Variants in GHR observed in about 807,000 individuals in gnomAD.
The protein encoded by GHR is growth hormone receptor.
In GHR, 35 loss-of-function variants were observed where a neutral mutation model predicts 67.1. That is an observed-to-expected ratio of 0.52 (90% CI 0.40 to 0.69). The LOEUF (loss-of-function observed/expected upper bound fraction) is 0.69. GHR is among the 30% of genes least tolerant of loss of function. The probability of loss-of-function intolerance (pLI) is 0.00; values close to 1 mark genes in which losing one functional copy is unlikely to be tolerated. For synonymous variants in GHR, 272 were observed against 269.1 expected, an observed-to-expected ratio of 1.01 and a Z score of -0.10; for missense variants, 792 against 764.6, an observed-to-expected ratio of 1.04 and a Z score of -0.42.
chr5:42,529,999 C>CTTTTTTTTT (rs376534691), intron 1 of GHR, among the ~76,000 whole-genome samples: 4 of 57,564 alleles, frequency 6.9e-5, no homozygotes, highest in Admixed American at 1.9e-4. Flanking sequence ...TGAATCACTT[C>CTTTTTTTTT]TTTTTTTTTT....
At chr5:42,691,001 G>C (rs1757395845) in intron 4 of GHR, among the ~76,000 whole-genome samples, 1 of 152,126 alleles carries the variant, frequency 6.6e-6, no homozygotes, top group African/African-American at 2.4e-5. Flanking sequence ...CAAATTTGAT[G>C]AGCAAAAAGA....
intron 1 of GHR, among the ~76,000 whole-genome samples, chr5:42,563,051 A>C (rs984912354): frequency 6.6e-6 from 1 of 152,206 alleles, no homozygotes. Flanking sequence ...AGCAAATGCC[A>C]CTTGTTTGTG....
At chr5:42,554,995 C>G (rs1456310620) in intron 1 of GHR, among the ~76,000 whole-genome samples, 1 of 152,062 alleles carries the variant, frequency 6.6e-6, no homozygotes, top group African/African-American at 2.4e-5. Context: ...TGGTCCAAGT[C>G]CAAGCTATTA....
intron 1 of GHR, among the ~76,000 whole-genome samples, chr5:42,442,518 G>A (rs1198497944): frequency 1.3e-5 from 2 of 152,104 alleles, no homozygotes; most frequent in Non-Finnish European, 2.9e-5. Context: ...GCTAGGGAGG[G>A]ACATATAGAC....
intron 1 of GHR, among the ~76,000 whole-genome samples, chr5:42,474,192 A>G (rs1389118333): frequency 1.3e-5 from 2 of 150,962 alleles, no homozygotes; most frequent in Non-Finnish European, 2.9e-5. Flanking sequence ...CAGTCTCTGA[A>G]AGAGAGAGAG....
chr5:42,656,707 A>G (rs1456915930), intron 3 of GHR, among the ~76,000 whole-genome samples: 1 of 152,216 alleles, frequency 6.6e-6, no homozygotes. Flanking sequence ...ATATACAATC[A>G]TGCCTTCTTC....
At position 42,699,903 on chromosome 5, in the gene GHR, GAGATGGGAAGCACCACGC is replaced by G; in HGVS notation, c.521_538del (p.Arg174_Arg179del). 6.2e-7 allele frequency: 1 copy of G among 1,600,340 alleles called. No homozygotes were observed. The highest frequency in any genetic ancestry group is 1.1e-5 in the South Asian group (1 of 90,850). On this transcript the variant is annotated inframe_deletion, in exon 6 of 10. Transcript: ENST00000230882. ...CTGGGATTCATGCAGATATCCAAGTGAGATGGGAAGCACCACGCAATGCAGATATTCAGAAAGGATGGA... is the reference window on the plus strand; with the variant it reads ...CTGGGATTCATGCAGATATCCAAGTGAATGCAGATATTCAGAAAGGATGGA...
intron 2 of GHR, among the ~76,000 whole-genome samples, chr5:42,584,298 G>A (rs148381449): frequency 1.8e-4 from 28 of 152,214 alleles, no homozygotes; most frequent in African/African-American, 6.5e-4. Flanking sequence ...TTAATAATCA[G>A]TGTGTCTCTG....
intron 1 of GHR, among the ~76,000 whole-genome samples, chr5:42,447,640 TCTTC>T (rs1018921209): frequency 8.0e-5 from 12 of 149,856 alleles, no homozygotes; most frequent in African/African-American, 2.2e-4. Flanking sequence ...CTCTTTCCTT[TCTTC>T]CTTCCTTCCT....
intron 1 of GHR, among the ~76,000 whole-genome samples, chr5:42,502,131 C>T (rs1381357066): frequency 6.6e-6 from 1 of 152,086 alleles, no homozygotes; most frequent in Admixed American, 6.5e-5. Context: ...TCTTCATGTC[C>T]ACTTTTCTTG....
intron 5 of GHR, among the ~76,000 whole-genome samples, chr5:42,698,052 A>T (rs552071650): frequency 9.8e-5 from 15 of 152,312 alleles, no homozygotes; most frequent in African/African-American, 3.6e-4. Flanking sequence ...AACTAGAGGA[A>T]TTGAGTCCTC....
At chr5:42,695,526 T>C (rs1382470287) in intron 5 of GHR, among the ~76,000 whole-genome samples, 1 of 152,194 alleles carries the variant, frequency 6.6e-6, no homozygotes, top group African/African-American at 2.4e-5. Flanking sequence ...ATTTTCTTTA[T>C]CACAAAGCAT....
chr5:42,661,592 C>A (rs369394730), intron 3 of GHR, among the ~76,000 whole-genome samples: 1 of 152,202 alleles, frequency 6.6e-6, no homozygotes, highest in Non-Finnish European at 1.5e-5. Context: ...CCTACAAGAG[C>A]TCCTGAAGGA....
intron 2 of GHR, among the ~76,000 whole-genome samples, chr5:42,569,309 T>G (rs1750129390): frequency 6.6e-6 from 1 of 152,234 alleles, no homozygotes; most frequent in African/African-American, 2.4e-5. Flanking sequence ...TCTTGAGCAC[T>G]TACTTCGTGG....
intron 1 of GHR, among the ~76,000 whole-genome samples, chr5:42,486,822 G>C (rs934986524): frequency 6.6e-6 from 1 of 151,412 alleles, no homozygotes; most frequent in Admixed American, 6.6e-5. Flanking sequence ...ACTCCAGCCT[G>C]GGCGACAGAG....
intron 3 of GHR, among the ~76,000 whole-genome samples, chr5:42,657,820 C>G (rs532469484): frequency 6.6e-6 from 1 of 152,274 alleles, no homozygotes; most frequent in South Asian, 2.1e-4. Context: ...TGGAGTCTTG[C>G]TTGTTGGCCA....
intron 8 of GHR, among the ~76,000 whole-genome samples, chr5:42,715,444 T>A (rs1019610331): frequency 6.6e-6 from 1 of 152,192 alleles, no homozygotes; most frequent in Non-Finnish European, 1.5e-5. Context: ...TCCAACCCAC[T>A]TCACCCTGCT....
At chr5:42,643,704 A>G (rs1158841630) in intron 3 of GHR, among the ~76,000 whole-genome samples, 1 of 150,568 alleles carries the variant, frequency 6.6e-6, no homozygotes, top group East Asian at 1.9e-4. Context: ...AAGGTGGCCA[A>G]GATAATACAT....
chr5:42,516,486 T>C (rs1747243984), intron 1 of GHR, among the ~76,000 whole-genome samples: 1 of 151,998 alleles, frequency 6.6e-6, no homozygotes, highest in African/African-American at 2.4e-5. Context: ...TTTTGCAACA[T>C]GACATGATTG....
Sources: gnomAD v4.1 joint callset for allele counts (sites outside exome capture counted in the v4.1 genomes callset) on GRCh38, gnomAD v4.1.1 for gene constraint, MANE v1.5 for transcripts, NCBI Gene and HGNC (gene_info 2026-07-23, HGNC 2026-07-21) for gene names.